Variants in NACA observed in about 807,000 individuals in gnomAD.
The protein encoded by NACA is nascent polypeptide associated complex subunit alpha.
In NACA, 42 loss-of-function variants were observed where a neutral mutation model predicts 86.4. That is an observed-to-expected ratio of 0.49 (90% CI 0.38 to 0.63). The LOEUF (loss-of-function observed/expected upper bound fraction) is 0.63. NACA is among the 20% of genes least tolerant of loss of function. The pLI is 0.00. For synonymous variants in NACA, 898 were observed against 973.7 expected (o/e 0.92, Z 1.45); for missense variants, 2,157 against 2,483.6 (o/e 0.87, Z 2.80).
chr12:56,722,156 GCTT>G (rs1259213378), intron 2 of NACA, among the ~76,000 whole-genome samples: 1 of 152,180 alleles, frequency 6.6e-6, no homozygotes, highest in Non-Finnish European at 1.5e-5. Flanking sequence ...AAGTCACTTA[GCTT>G]CTTTATACCT....
At chr12:56,714,794 G>C (rs1953307595) in intron 3 of NACA, 107 bp from the exon 4 acceptor site, 6 of 1,017,300 alleles carry the variant, frequency 5.9e-6, no homozygotes, top group Non-Finnish European at 7.5e-6. Context: ...CTAGACCTAA[G>C]AATGTTAAAT....
At chr12:56,722,640 A>G (rs564103011) in intron 2 of NACA, among the ~76,000 whole-genome samples, 1 of 152,256 alleles carries the variant, frequency 6.6e-6, no homozygotes, top group East Asian at 1.9e-4. Flanking sequence ...GTGAGCCAAG[A>G]TCGCGCTACT....
At position 56,712,792 on chromosome 12, in the gene NACA, C is replaced by T. The variant is rs760650214; in HGVS notation, c.6216G>A (p.Ala2072=). ...LKNNSNDIVN[A]IMELTM ...CAAAGGCTTGAACACTTACCATAAT[C>T]GCATTTACAATATCATTACTGTTGT... The change falls in exon 8 of 9, where the codon GCG becomes GCA. Residue 2072 remains alanine, a synonymous_variant. Transcript: ENST00000454682. 2.0e-5 allele frequency: 33 copies of T among 1,614,066 alleles called. No individual in the cohort carries two copies. The highest frequency in any genetic ancestry group is 4.0e-5 in the African/African-American group (3 of 74,920).
rs564841699 is a variant in NACA at position 56,713,816 on chromosome 12, G to C, written c.5824-133C>G. On this transcript the variant is annotated intron_variant, in intron 5 of 8. Coordinates refer to ENST00000454682, the MANE Select transcript of NACA (RefSeq NM_001365896.1). ...AAGTTCATACAAGAATAGAGAATGG[G>C]TTTTCTGCCGTAGTAACTTCTGTTA... The C allele has an allele frequency of 6.0e-5, 53 of 876,780 alleles. No individual in the cohort carries two copies. The African/African-American group carries it at 6.9e-4, about 11-fold the overall frequency. The allele number at this position is 876,780 out of a possible 1,614,324, so 54.3% of individuals were successfully genotyped here.
Position 56,721,007 on chromosome 12 carries a change from G to A in NACA, c.523C>T (p.Leu175=), listed in dbSNP as rs1460424790. ...TCTGAGGGAGCAATGGGAGCTGACA[G>A]AGTTATCACTGACCCTGACTCAGCT... The part of the protein sequence containing the change: ...AVAESGSVIT[L]SAPIAPSEPK... The change falls in exon 3 of 9, where the codon CTG becomes TTG. Residue 175 remains leucine, a synonymous_variant. Transcript: ENST00000454682. The A allele has an allele frequency of 4.8e-5, 77 of 1,613,916 alleles. No individual in the cohort carries two copies. Among genetic ancestry groups the A allele is most frequent in the Non-Finnish European group, 6.4e-5 (76 of 1,179,900 alleles).
intron 7 of NACA, 28 bp from the exon 8 acceptor site, chr12:56,712,936 A>C: frequency 1.2e-6 from 2 of 1,613,922 alleles, no homozygotes; most frequent in Non-Finnish European, 1.7e-6. Flanking sequence ...AAAAGCAGTA[A>C]ATTAAAGGCA....
chr12:56,713,630 G>A lies in NACA; in HGVS notation c.5877C>T (p.Ile1959=). 2.5e-6 allele frequency: 4 copies of A among 1,613,998 alleles called. No individual in the cohort carries two copies. The highest frequency in any genetic ancestry group is 3.4e-6 in the Non-Finnish European group (4 of 1,179,872). The stretch of plus-strand genomic sequence containing the variant: ...CAAAGAGGATATTCTTAGATTTCCG[G>A]ATAGTGACTCTAGTAACTCCTGTAA... ...RQVTGVTRVT[I]RKSKNILFVI... Residue 1959 remains isoleucine, a synonymous_variant, in exon 6 of 9, where the codon ATC becomes ATT. Transcript: ENST00000454682.
At position 56,715,563 on chromosome 12, in the gene NACA, G is replaced by C. The variant is rs1953329589; in HGVS notation, c.5659+308C>G. 1.3e-5 allele frequency among the ~76,000 whole-genome samples: 2 copies of C among 152,220 alleles called. 1 individual carries two copies. The highest frequency in any genetic ancestry group is 2.9e-5 in the Non-Finnish European group (2 of 68,008). On this transcript the variant is annotated intron_variant, in intron 3 of 8. Coordinates refer to ENST00000454682, the MANE Select transcript of NACA (RefSeq NM_001365896.1). ...TTAGAGCAAATGAAAAGGTCTGGCAGGTCTTGGTTTTCAATGTCAGATCAA... is the reference window on the plus strand; with the variant it reads ...TTAGAGCAAATGAAAAGGTCTGGCACGTCTTGGTTTTCAATGTCAGATCAA...
At position 56,721,339 on chromosome 12, in the gene NACA, G is replaced by A. The variant is rs201264467; in HGVS notation, c.191C>T (p.Ala64Val). 3.0e-5 allele frequency: 49 copies of A among 1,609,362 alleles called. No individual in the cohort carries two copies. The highest frequency in any genetic ancestry group is 2.3e-4 in the African/African-American group (17 of 74,648). ...QQCPLSAANQ[A>V]SPFPSPSTIA... is the part of the protein sequence containing the mutation. ...AGTAGAGGGGGAAGGGAATGGGGAA[G>A]CCTGGTTAGCAGCTGAGAGAGGGCA... The change falls in exon 3 of 9, where the codon GCT (alanine) becomes GTT (valine). Residue 64 changes from alanine (A) to valine (V), a missense_variant. Physicochemically the swap from Ala to Val is moderately conservative, Grantham distance 64. Around this residue, in one of 8 missense-constraint regions of NACA, gnomAD observed 947 missense variants for 917.9 expected, o/e 1.03. Transcript: ENST00000454682.
chr12:56,718,996 C>A lies in NACA; in HGVS notation c.2534G>T (p.Gly845Val). 1.4e-6 allele frequency: 2 copies of A among 1,447,300 alleles called. No homozygotes were observed. Among genetic ancestry groups the A allele is most frequent in the Non-Finnish European group, 1.9e-6 (2 of 1,071,352 alleles). 89.7% of individuals were successfully genotyped at this position (1,447,300 alleles called of 1,614,324 possible). A position where few individuals can be genotyped will look rare whatever the true frequency, so the allele number is the denominator to read the frequency against. Reference sequence around the variant, plus strand: ...CGTCGTGGCTGGTGAGTCTTTAGAGCCTTGGAAAGAAAGACTATTCTCTGG... The same window carrying A: ...CGTCGTGGCTGGTGAGTCTTTAGAGACTTGGAAAGAAAGACTATTCTCTGG... Reference protein sequence around the residue: ...FLPENSLSFQGSKDSPATTHS... With the variant: ...FLPENSLSFQVSKDSPATTHS... Residue 845 changes from glycine to valine, a missense_variant, in exon 3 of 9, where the codon GGC (glycine) becomes GTC (valine). Transcript: ENST00000454682.
chr12:56,721,485 G>T, intron 2 of NACA, 26 bp from the exon 3 acceptor site: 2 of 1,347,526 alleles, frequency 1.5e-6, no homozygotes, highest in Non-Finnish European at 1.9e-6. Context: ...AGGAGATAAA[G>T]AAAGGGGGAG....
At position 56,718,524 on chromosome 12, in the gene NACA, A is replaced by AGGAGTGGGAGAATGCGTC. The variant is rs1953467548; in HGVS notation, c.3005_3006insGACGCATTCTCCCACTCC (p.Thr1002_Pro1003insThrHisSerProThrPro). ...GTGTGGGGGCCCCTTTGGGGGATGGAGTAGCTGGACCTCCTTTGGGGGAGG... is the reference window on the plus strand; with the variant it reads ...GTGTGGGGGCCCCTTTGGGGGATGGAGGAGTGGGAGAATGCGTCGTAGCTGGACCTCCTTTGGGGGAGG... On this transcript the variant is annotated inframe_insertion, in exon 3 of 9. Transcript: ENST00000454682. The AGGAGTGGGAGAATGCGTC allele has an allele frequency of 2.1e-6, 2 of 936,620 alleles. No individual in the cohort carries two copies. Among genetic ancestry groups the AGGAGTGGGAGAATGCGTC allele is most frequent in the Non-Finnish European group, 2.6e-6 (2 of 777,126 alleles). The allele number at this position is 936,620 out of a possible 1,614,324, so 58.0% of individuals were successfully genotyped here. A position where few individuals can be genotyped will look rare whatever the true frequency, so the allele number is the denominator to read the frequency against.
chr12:56,715,613 G>C (rs1421465365), intron 3 of NACA, among the ~76,000 whole-genome samples: 1 of 152,090 alleles, frequency 6.6e-6, no homozygotes, highest in African/African-American at 2.4e-5. Flanking sequence ...TGGCATGGCA[G>C]GCTCAGGGTA....
rs1305215648 is a variant in NACA at position 56,721,195 on chromosome 12, G to T, written c.335C>A (p.Ser112Tyr). ...FLPNLIGPPISPAALALASPM... is the reference protein window; with the variant it reads ...FLPNLIGPPIYPAALALASPM... ...AGAGGCTAGAGCTAAGGCAGCTGGG[G>T]AGATGGGAGGCCCTATTAGGTTTGG... The change falls in exon 3 of 9, where the codon TCC becomes TAC. Residue 112 changes from serine to tyrosine, a missense_variant. By Grantham distance (144) the Ser-to-Tyr change is moderately radical (BLOSUM62 -2). Around this residue, in one of 8 missense-constraint regions of NACA, gnomAD observed 947 missense variants for 917.9 expected, o/e 1.03. Transcript: ENST00000454682. 2 of 1,613,978 alleles carry T rather than the reference G, an allele frequency of 1.2e-6. No homozygotes were observed. Among genetic ancestry groups the T allele is most frequent in the Non-Finnish European group, 1.7e-6 (2 of 1,179,880 alleles).
chr12:56,714,300 T>A, intron 5 of NACA, 62 bp downstream of exon 5: 6 of 1,541,676 alleles, frequency 3.9e-6, no homozygotes, highest in Non-Finnish European at 5.4e-6. Context: ...CCTATGGAAA[T>A]AAACAGTTCC....
At position 56,720,550 on chromosome 12, in the gene NACA, C is replaced by A; in HGVS notation, c.980G>T (p.Gly327Val). Residue 327 changes from glycine to valine, a missense_variant, in exon 3 of 9, where the codon GGT becomes GTT. Physicochemically the swap from Gly to Val is moderately radical, Grantham distance 109. Transcript: ENST00000454682. ...FGSVQLLGQT[G>V]PSALSDPTVK... ...TGTAGGGTCTGACAAAGCACTAGGACCTGTTTGACCTAAAAGTTGGACAGA... is the reference window on the plus strand; with the variant it reads ...TGTAGGGTCTGACAAAGCACTAGGAACTGTTTGACCTAAAAGTTGGACAGA... 1 of 1,613,916 alleles carries A rather than the reference C, an allele frequency of 6.2e-7. No individual in the cohort carries two copies. Among genetic ancestry groups the A allele is most frequent in the Admixed American group, 1.7e-5 (1 of 60,020 alleles).
Position 56,720,326 on chromosome 12 carries a change from C to G in NACA, c.1204G>C (p.Ala402Pro). 1.9e-6 allele frequency: 3 copies of G among 1,613,808 alleles called. No homozygotes were observed. The highest frequency in any genetic ancestry group is 3.3e-4 in the Middle Eastern group (2 of 6,062). ...GTAGGAGATAATGAAAAAGAGGTAGCTACATTTAAGGAGCCAGAAGGGCTG... is the reference window on the plus strand; with the variant it reads ...GTAGGAGATAATGAAAAAGAGGTAGGTACATTTAAGGAGCCAGAAGGGCTG... ...TCSPSGSLNV[A>P]TSFSLSPTTS... The change falls in exon 3 of 9, where the codon GCT (alanine) becomes CCT (proline). Residue 402 changes from alanine to proline, a missense_variant. By Grantham distance (27) the Ala-to-Pro change is conservative. Transcript: ENST00000454682.
At position 56,720,104 on chromosome 12, in the gene NACA, CTA is replaced by C; in HGVS notation, c.1424_1425del (p.Ile475ArgfsTer38). Reference protein sequence around the residue: ...PPMSSGPISNIEPTSPAALVM... With the variant: ...PPMSSGPISNXEPTSPAALVM... The stretch of plus-strand genomic sequence containing the variant: ...ACCAAGGCAGCAGGGGAAGTTGGTT[CTA>C]TGTTACTTATGGGACCTGATGACAT... On this transcript the variant is annotated frameshift_variant, in exon 3 of 9. Transcript: ENST00000454682. LOFTEE classifies it high-confidence loss of function. 1.1e-5 allele frequency: 17 copies of C among 1,613,828 alleles called. No individual in the cohort carries two copies. The highest frequency in any genetic ancestry group is 1.6e-4 in the Middle Eastern group (1 of 6,062).
chr12:56,721,632 C>T (rs879876103), intron 2 of NACA, among the ~76,000 whole-genome samples, 173 bp from the exon 3 acceptor site: 3 of 152,168 alleles, frequency 2.0e-5, no homozygotes, highest in Admixed American at 6.5e-5. Context: ...CAACCTTCCC[C>T]AAACATTTTT....
Sources: allele counts gnomAD v4.1 joint callset (sites outside exome capture counted in the v4.1 genomes callset), GRCh38; gene constraint gnomAD v4.1.1; regional missense constraint gnomAD v4.1.1; transcripts MANE v1.5; gene names NCBI Gene and HGNC (gene_info 2026-07-23, HGNC 2026-07-21).